The following HAO1 variants were observed in gnomAD, a reference collection of about 807,000 sequenced individuals.
HAO1 encodes the protein 2-Hydroxyacid oxidase 1.
HAO1 carries 34 observed loss-of-function variants against 39.7 expected under a neutral mutation model. The ratio of observed to expected loss-of-function variants is 0.86; its 90% CI spans 0.65 to 1.14. HAO1 has a LOEUF of 1.14. Among genes scored for constraint, HAO1 ranks in the 50% most tolerant of loss-of-function variants. The pLI is 0.00. For synonymous variants in HAO1, 172 were observed against 173.2 expected (o/e 0.99, Z 0.05); for missense variants, 479 against 464.5 (o/e 1.03, Z -0.29).
intron 1 of HAO1, among the ~76,000 whole-genome samples, chr20:7,936,550 G>GTT (rs1292549632): frequency 3.9e-4 from 55 of 141,140 alleles, no homozygotes; most frequent in African/African-American, 1.1e-3. Flanking sequence ...GTGTGTGTTC[G>GTT]CGCGCGCGCG....
At chr20:7,895,776 A>G (rs1446468049) in intron 4 of HAO1, among the ~76,000 whole-genome samples, 1 of 152,276 alleles carries the variant, frequency 6.6e-6, no homozygotes, top group South Asian at 2.1e-4. Flanking sequence ...GGCCAGGTGC[A>G]GTGGCTCATG....
At chr20:7,907,370 G>A (rs938833104) in intron 3 of HAO1, among the ~76,000 whole-genome samples, 31 of 152,078 alleles carry the variant, frequency 2.0e-4, no homozygotes, top group African/African-American at 7.0e-4. Context: ...CTCCCTCACC[G>A]CTAGGTAGAC....
intron 2 of HAO1, among the ~76,000 whole-genome samples, chr20:7,932,340 C>T (rs2050389688): frequency 6.6e-6 from 1 of 152,170 alleles, no homozygotes. Flanking sequence ...AATTTGCTGG[C>T]TCCAGGGTGC....
chr20:7,899,174 A>G (rs1189355743), intron 4 of HAO1, among the ~76,000 whole-genome samples: 1 of 151,690 alleles, frequency 6.6e-6, no homozygotes, highest in Admixed American at 6.6e-5. Context: ...TAAATCCCAC[A>G]TCTGCTGCTC....
intron 2 of HAO1, among the ~76,000 whole-genome samples, chr20:7,929,858 GTC>G (rs140727422): frequency 0.013 from 1,982 of 152,156 alleles, 37 homozygotes; most frequent in African/African-American, 0.043. Flanking sequence ...GCAAGACTCT[GTC>G]TCAAAAAAAT....
At chr20:7,901,620 A>C (rs1352965849) in intron 4 of HAO1, among the ~76,000 whole-genome samples, 2 of 152,204 alleles carry the variant, frequency 1.3e-5, no homozygotes, top group Admixed American at 1.3e-4. Context: ...CAAAAAGATT[A>C]ATGTTTTTAT....
chr20:7,915,703 C>G (rs990680513), intron 2 of HAO1, among the ~76,000 whole-genome samples: 4 of 152,030 alleles, frequency 2.6e-5, no homozygotes, highest in Admixed American at 2.0e-4. Context: ...CTGGAGAACT[C>G]TGGGTATTAC....
rs369366303 is a variant in HAO1 at position 7,906,139 on chromosome 20, G to C, written c.721+15C>G. 3.2e-6 allele frequency: 5 copies of C among 1,574,196 alleles called. No individual in the cohort carries two copies. In the South Asian group the frequency reaches 3.3e-5, roughly 10 times the overall value. Reference sequence around the variant, plus strand: ...CACAAAGTCAGTATGAATTCAAGTAGAGAAATAAACGAACCTCTCAAAATG... The same window carrying C: ...CACAAAGTCAGTATGAATTCAAGTACAGAAATAAACGAACCTCTCAAAATG... On this transcript the variant is annotated intron_variant, in intron 4 of 7. Transcript: ENST00000378789.
chr20:7,914,035 C>A (rs1413678001), intron 3 of HAO1, 129 bp downstream of exon 3: 2 of 975,896 alleles, frequency 2.0e-6, no homozygotes, highest in Non-Finnish European at 3.1e-6. Context: ...GTGATGTCTA[C>A]AAAAGGGATG....
intron 4 of HAO1, among the ~76,000 whole-genome samples, chr20:7,898,027 T>C (rs1211700784): frequency 1.3e-5 from 2 of 152,178 alleles, no homozygotes; most frequent in African/African-American, 4.8e-5. Flanking sequence ...TCATGTCATA[T>C]TGGAAATGCC....
At chr20:7,899,533 G>A (rs1377855925) in intron 4 of HAO1, among the ~76,000 whole-genome samples, 1 of 152,070 alleles carries the variant, frequency 6.6e-6, no homozygotes, top group Admixed American at 6.6e-5. Flanking sequence ...TTAAGTAACA[G>A]TCTGTTATCT....
chr20:7,906,979 G>A (rs896146436), intron 3 of HAO1, among the ~76,000 whole-genome samples: 1 of 152,174 alleles, frequency 6.6e-6, no homozygotes, highest in African/African-American at 2.4e-5. Context: ...ACCTTCCAAT[G>A]CCCTTGTAGA....
At chr20:7,938,634 T>A (rs963368405) in intron 1 of HAO1, among the ~76,000 whole-genome samples, 2 of 152,202 alleles carry the variant, frequency 1.3e-5, no homozygotes, top group Admixed American at 6.5e-5. Context: ...AGGTGATCCA[T>A]CTGCTTTGGG....
rs1204792374 is a variant in HAO1, at chr20:7,934,518, C to T, written c.255G>A (p.Met85Ile). 6.2e-7 allele frequency: 1 copy of T among 1,613,146 alleles called. No homozygotes were observed. The highest frequency in any genetic ancestry group is 1.7e-5 in the Admixed American group (1 of 59,838). ...TGGCAAGCTCGCCGTCCACATGAGC[C>T]ATGCGCTGCATGGCCGTAGCCCCCA... ...ICVGATAMQR[M>I]AHVDGELATV... The change falls in exon 2 of 8, where the codon ATG becomes ATA. Residue 85 changes from methionine (M) to isoleucine (I), a missense_variant. Physicochemically the swap from Met to Ile is conservative, Grantham distance 10 (BLOSUM62 1). Transcript: ENST00000378789.
Position 7,906,185 on chromosome 20 carries a change from T to C in HAO1, c.690A>G (p.Ser230=). The change falls in exon 4 of 8, where the codon TCA becomes TCG. Residue 230 remains serine (S), a synonymous_variant. Coordinates refer to ENST00000378789, the MANE Select transcript of HAO1 (RefSeq NM_017545.3). ...AAATGCCCTTTGCAACAATTGGCAA[T>C]GATGTCAGTCTTCTCAGCCATTTGA... is the stretch of plus-strand genomic sequence containing the variant. ...EDIKWLRRLT[S]LPIVAKGILR... 1 of 1,613,430 alleles carries C rather than the reference T, an allele frequency of 6.2e-7. No individual in the cohort carries two copies. The highest frequency in any genetic ancestry group is 8.5e-7 in the Non-Finnish European group (1 of 1,179,394).
chr20:7,923,071 G>A (rs1206030238), intron 2 of HAO1, among the ~76,000 whole-genome samples: 2 of 151,998 alleles, frequency 1.3e-5, no homozygotes, highest in Non-Finnish European at 2.9e-5. Flanking sequence ...AGTGTAGCTC[G>A]ACCTTTCTAA....
intron 3 of HAO1, among the ~76,000 whole-genome samples, chr20:7,910,314 T>C (rs1465791652): frequency 6.6e-6 from 1 of 152,192 alleles, no homozygotes; most frequent in Non-Finnish European, 1.5e-5. Flanking sequence ...GTAACCAGCG[T>C]TGGCAAAATT....
chr20:7,940,144 C>T, intron 1 of HAO1, 142 bp downstream of exon 1: 3 of 563,420 alleles, frequency 5.3e-6, no homozygotes, highest in East Asian at 3.2e-5. Context: ...AGATTTCTTA[C>T]AGCCCCAAGA....
At chr20:7,891,694 T>C (rs1239089391) in intron 5 of HAO1, among the ~76,000 whole-genome samples, 1 of 152,190 alleles carries the variant, frequency 6.6e-6, no homozygotes, top group Non-Finnish European at 1.5e-5. Flanking sequence ...TCGGTTATTG[T>C]TTTTTAAAAA....
Sources: gnomAD v4.1 joint callset for allele counts (sites outside exome capture counted in the v4.1 genomes callset) on GRCh38, gnomAD v4.1.1 for gene constraint, MANE v1.5 for transcripts, NCBI Gene and HGNC (gene_info 2026-07-23, HGNC 2026-07-21) for gene names.